ATG7: variants seen among roughly 807,000 people sequenced by gnomAD.
ATG7 encodes the protein ubiquitin-like modifier-activating enzyme ATG7.
In ATG7, 70 loss-of-function variants were observed where a neutral mutation model predicts 82.4. The ratio of observed to expected loss-of-function variants is 0.85; its 90% confidence interval spans 0.70 to 1.04. ATG7 has a LOEUF of 1.04. ATG7 is among the 50% of genes least tolerant of loss of function. The pLI is 0.00. For synonymous variants in ATG7, 287 were observed against 313.0 expected, an observed-to-expected ratio of 0.92 and a Z score of 0.88; for missense variants, 792 against 864.3, an observed-to-expected ratio of 0.92 and a Z score of 1.05.
At chr3:11,297,770 CT>C (rs1425177817) in intron 3 of ATG7, among the ~76,000 whole-genome samples, 7 of 152,100 alleles carry the variant, frequency 4.6e-5, no homozygotes, top group African/African-American at 1.7e-4. Flanking sequence ...AAGCACTGCT[CT>C]CAGACAGAAT....
At chr3:11,306,815 C>A in intron 5 of ATG7, 128 bp from the exon 6 acceptor site, 1 of 714,024 alleles carries the variant, frequency 1.4e-6, no homozygotes, top group Non-Finnish European at 2.4e-6. Context: ...TCCAAGAAAA[C>A]ATACAGTTAA....
At chr3:11,426,474 T>A (rs1032575380) in intron 19 of ATG7, among the ~76,000 whole-genome samples, 1 of 152,214 alleles carries the variant, frequency 6.6e-6, no homozygotes, top group African/African-American at 2.4e-5. Flanking sequence ...TTTTCTTGGC[T>A]TTTCTCTCAC....
At chr3:11,536,208 A>AT (rs1329261208) in intron 20 of ATG7, among the ~76,000 whole-genome samples, 3 of 152,216 alleles carry the variant, frequency 2.0e-5, no homozygotes, top group African/African-American at 7.2e-5. Flanking sequence ...TTTTCAGTAG[A>AT]TTGAGAGGCT....
At chr3:11,492,271 C>T (rs547364466) in intron 20 of ATG7, among the ~76,000 whole-genome samples, 23 of 152,322 alleles carry the variant, frequency 1.5e-4, no homozygotes, top group Middle Eastern at 6.8e-3. Context: ...AAGGGAACTC[C>T]CTGACCCCTT....
chr3:11,295,098 C>G (rs905705270), intron 3 of ATG7, among the ~76,000 whole-genome samples: 1 of 152,108 alleles, frequency 6.6e-6, no homozygotes, highest in Non-Finnish European at 1.5e-5. Context: ...GGCAACAGAG[C>G]AAGACTCTGT....
chr3:11,426,956 A>C (rs559304663), intron 20 of ATG7, 30 bp downstream of exon 20: 7 of 1,550,082 alleles, frequency 4.5e-6, no homozygotes, highest in Non-Finnish European at 6.1e-6. Flanking sequence ...TCTGTAGTGA[A>C]GACTGACATG....
chr3:11,576,103 G>A, the ATG7 span, among the ~76,000 whole-genome samples: 1 of 152,246 alleles, frequency 6.6e-6, no homozygotes, highest in African/African-American at 2.4e-5. Flanking sequence ...TCATGGCTGA[G>A]AACATGACCG....
chr3:11,479,652 C>CA (rs1000408949), intron 20 of ATG7, among the ~76,000 whole-genome samples: 6 of 151,964 alleles, frequency 3.9e-5, no homozygotes, highest in African/African-American at 1.5e-4. Context: ...TGTCAAGAGT[C>CA]AAAAAATAAA....
At chr3:11,462,889 ATTTATTTATTT>A (rs1278732387) in intron 20 of ATG7, among the ~76,000 whole-genome samples, 1 of 130,022 alleles carries the variant, frequency 7.7e-6, no homozygotes, top group Non-Finnish European at 1.6e-5. Flanking sequence ...TTATTTATTT[ATTTATTTATTT>A]TTGAGACAGA....
intron 3 of ATG7, among the ~76,000 whole-genome samples, chr3:11,291,595 TTAGTG>T (rs1249997203): frequency 2.6e-5 from 4 of 152,206 alleles, no homozygotes; most frequent in Non-Finnish European, 4.4e-5. Context: ...TGTAAACTGT[TTAGTG>T]TAGTGCTTGG....
intron 20 of ATG7, among the ~76,000 whole-genome samples, chr3:11,497,829 C>T (rs1038520249): frequency 6.6e-6 from 1 of 151,898 alleles, no homozygotes; most frequent in African/African-American, 2.4e-5. Flanking sequence ...TTACAGGAGC[C>T]CAGATTATGA....
intron 20 of ATG7, among the ~76,000 whole-genome samples, chr3:11,497,357 C>CTATATATATA (rs58838386): frequency 0.041 from 2,329 of 57,128 alleles, 131 homozygotes; most frequent in African/African-American, 0.046. Flanking sequence ...ACTAAAAATA[C>CTATATATATA]TATATATATA....
At chr3:11,452,044 T>G (rs1186159554) in intron 20 of ATG7, among the ~76,000 whole-genome samples, 3 of 151,504 alleles carry the variant, frequency 2.0e-5, no homozygotes, top group South Asian at 4.2e-4. Flanking sequence ...GGGAGGGAAA[T>G]AGGGAGAGAC....
intron 19 of ATG7, among the ~76,000 whole-genome samples, chr3:11,400,467 C>G (rs2079729121): frequency 6.6e-6 from 1 of 152,132 alleles, no homozygotes; most frequent in Admixed American, 6.5e-5. Context: ...GCAGCTGCAA[C>G]CCAACTCTGG....
At chr3:11,478,012 T>C (rs2088460705) in intron 20 of ATG7, among the ~76,000 whole-genome samples, 1 of 152,162 alleles carries the variant, frequency 6.6e-6, no homozygotes, top group South Asian at 2.1e-4. Context: ...ACTTGGCTCA[T>C]ATACCCATCC....
chr3:11,310,382 C>T (rs1194738419), intron 7 of ATG7, among the ~76,000 whole-genome samples: 2 of 152,016 alleles, frequency 1.3e-5, no homozygotes, highest in Non-Finnish European at 2.9e-5. Flanking sequence ...TTTTCCTTCC[C>T]CGACCTCCCA....
At chr3:11,574,398 G>A in the ATG7 span, among the ~76,000 whole-genome samples, 2 of 152,100 alleles carry the variant, frequency 1.3e-5, no homozygotes, top group Non-Finnish European at 2.9e-5. Context: ...CACGAGCACC[G>A]CACAATGACA....
chr3:11,370,230 A>G (rs745424318), intron 18 of ATG7, among the ~76,000 whole-genome samples: 10 of 151,254 alleles, frequency 6.6e-5, no homozygotes, highest in Non-Finnish European at 1.5e-4. Context: ...CTCTGAAAGC[A>G]ATGAGTAGAG....
rs900314987 is a variant in ATG7 at position 11,274,052 on chromosome 3, C to T, written c.-366+1622C>T. ...CTATAGCCCTTTGCTTCTGCTGCTTCGAACATCTCCCCTTCCTCTTCCATT... is the reference window on the plus strand; with the variant it reads ...CTATAGCCCTTTGCTTCTGCTGCTTTGAACATCTCCCCTTCCTCTTCCATT... On this transcript the variant is annotated intron_variant, in intron 1 of 20. Transcript: ENST00000693202. 7.2e-5 allele frequency among the ~76,000 whole-genome samples: 11 copies of T among 152,274 alleles called. No individual in the cohort carries two copies. In the East Asian group the frequency reaches 1.7e-3, roughly 24 times the overall value.
Sources: gnomAD v4.1 joint callset for allele counts (sites outside exome capture counted in the v4.1 genomes callset) on GRCh38, gnomAD v4.1.1 for gene constraint, MANE v1.5 for transcripts, NCBI Gene and HGNC (gene_info 2026-07-23, HGNC 2026-07-21) for gene names.